Variants in TRMT11 observed in about 807,000 individuals in gnomAD.
The protein encoded by TRMT11 is tRNA (guanine(10)-N(2))-methyltransferase TRMT11.
TRMT11 carries 53 observed loss-of-function variants against 62.8 expected under a neutral mutation model. The ratio of observed to expected loss-of-function variants is 0.84; its 90% confidence interval spans 0.68 to 1.06. The LOEUF is 1.06. Among genes scored for constraint, TRMT11 ranks in the 50% least tolerant of loss-of-function variants. The pLI is 0.00. For missense variants in TRMT11, 556 were observed against 553.4 expected (o/e 1.00, Z -0.05); for synonymous variants, 188 against 190.3 (o/e 0.99, Z 0.10).
the TRMT11 span, among the ~76,000 whole-genome samples, chr6:126,250,839 G>C: frequency 6.6e-6 from 1 of 152,044 alleles, no homozygotes; most frequent in East Asian, 1.9e-4. Context: ...GTCATATTAA[G>C]CTTTGGTCGT....
intron 21 of TRMT11, among the ~76,000 whole-genome samples, chr6:126,138,508 G>A (rs1189172799): frequency 6.6e-6 from 1 of 151,914 alleles, no homozygotes; most frequent in Non-Finnish European, 1.5e-5. Context: ...TTAATCATTT[G>A]AAGCACACAC....
intron 3 of TRMT11, among the ~76,000 whole-genome samples, chr6:125,996,897 T>C (rs976247383): frequency 6.6e-6 from 1 of 152,196 alleles, no homozygotes; most frequent in African/African-American, 2.4e-5. Context: ...CTTCATCCTA[T>C]TGAGAACTAC....
intron 21 of TRMT11, among the ~76,000 whole-genome samples, chr6:126,127,163 G>A (rs1777728101): frequency 6.6e-6 from 1 of 152,140 alleles, no homozygotes; most frequent in African/African-American, 2.4e-5. Context: ...AGGAGGGAGG[G>A]AGATGCAGAT....
chr6:126,239,038 C>T, the TRMT11 span, among the ~76,000 whole-genome samples: 1 of 152,250 alleles, frequency 6.6e-6, no homozygotes, highest in East Asian at 1.9e-4. Context: ...GCACCCCCTT[C>T]CTTTTTTTTG....
intron 1 of TRMT11, among the ~76,000 whole-genome samples, chr6:125,992,997 G>A (rs571033679): frequency 1.3e-5 from 2 of 152,228 alleles, no homozygotes; most frequent in African/African-American, 2.4e-5. Flanking sequence ...TTTTGATGGC[G>A]GTGGGCTTGG....
intron 21 of TRMT11, among the ~76,000 whole-genome samples, chr6:126,166,983 C>T (rs569394782): frequency 6.6e-6 from 1 of 152,286 alleles, no homozygotes; most frequent in South Asian, 2.1e-4. Context: ...TCAAGTGTCC[C>T]AGGTTGACTT....
chr6:126,068,409 T>C (rs1335983702), intron 17 of TRMT11, among the ~76,000 whole-genome samples: 1 of 152,188 alleles, frequency 6.6e-6, no homozygotes, highest in African/African-American at 2.4e-5. Context: ...AGGAAGTTTG[T>C]TGTTTTGCCT....
chr6:126,180,733 G>A (rs899859360), intron 1 of TRMT11, among the ~76,000 whole-genome samples: 1 of 152,162 alleles, frequency 6.6e-6, no homozygotes, highest in Non-Finnish European at 1.5e-5. Context: ...AGGTGCTGAT[G>A]CCTTAGTCAC....
intron 8 of TRMT11, among the ~76,000 whole-genome samples, chr6:126,009,073 C>G (rs190863198): frequency 2.2e-4 from 33 of 151,716 alleles, no homozygotes; most frequent in African/African-American, 5.8e-4. Context: ...CCAGTTCAGA[C>G]CTATAATTTA....
chr6:126,035,036 G>C (rs1774916416), intron 12 of TRMT11, among the ~76,000 whole-genome samples: 3 of 152,072 alleles, frequency 2.0e-5, no homozygotes, highest in Admixed American at 1.3e-4. Context: ...AAGAGAGGTA[G>C]AGAGAAAAGA....
intron 21 of TRMT11, among the ~76,000 whole-genome samples, chr6:126,129,834 A>T (rs1777760651): frequency 6.6e-6 from 1 of 152,048 alleles, no homozygotes; most frequent in African/African-American, 2.4e-5. Context: ...ATAATTTTCT[A>T]TCTGTATCCC....
chr6:126,257,201 G>A, the TRMT11 span, among the ~76,000 whole-genome samples: 4 of 151,790 alleles, frequency 2.6e-5, no homozygotes, highest in African/African-American at 4.8e-5. Context: ...TGTGTTTTAA[G>A]CGAGTAGTTT....
At chr6:125,996,488 A>G (rs980352601) in intron 3 of TRMT11, among the ~76,000 whole-genome samples, 1 of 152,224 alleles carries the variant, frequency 6.6e-6, no homozygotes, top group Non-Finnish European at 1.5e-5. Context: ...GAAAATAATT[A>G]TGAGTACCAA....
intron 16 of TRMT11, among the ~76,000 whole-genome samples, chr6:126,044,528 C>T (rs1168948002): frequency 6.6e-6 from 1 of 152,172 alleles, no homozygotes; most frequent in African/African-American, 2.4e-5. Flanking sequence ...AGAAGCAATT[C>T]TCCATAGATC....
At chr6:126,096,071 C>T (rs1777336483) in intron 17 of TRMT11, among the ~76,000 whole-genome samples, 2 of 152,154 alleles carry the variant, frequency 1.3e-5, no homozygotes, top group African/African-American at 4.8e-5. Flanking sequence ...AAATGAAGAG[C>T]TAATTTCATT....
intron 17 of TRMT11, among the ~76,000 whole-genome samples, chr6:126,096,838 A>T (rs1777346779): frequency 6.6e-6 from 1 of 152,208 alleles, no homozygotes; most frequent in Non-Finnish European, 1.5e-5. Context: ...ATTAATATGA[A>T]ATTGATTTAA....
intron 12 of TRMT11, among the ~76,000 whole-genome samples, chr6:126,038,451 A>AG (rs1775594392): frequency 7.4e-6 from 1 of 134,814 alleles, no homozygotes; most frequent in Non-Finnish European, 1.8e-5. Flanking sequence ...AAAAAAAAAA[A>AG]AAGAAAAAAA....
the TRMT11 span, among the ~76,000 whole-genome samples, chr6:126,221,293 G>C: frequency 1.3e-5 from 2 of 152,136 alleles, no homozygotes; most frequent in African/African-American, 4.8e-5. Flanking sequence ...GGGATTGCTG[G>C]GTTGAATGGT....
At chr6:126,192,042 T>G (rs76388899) in intron 1 of TRMT11, among the ~76,000 whole-genome samples, 4,528 of 152,232 alleles carry the variant, frequency 0.03, 229 homozygotes, top group African/African-American at 0.1. Flanking sequence ...TTGAGAAGTA[T>G]AGACATTTTA....
Sources: gnomAD v4.1 joint callset for allele counts (sites outside exome capture counted in the v4.1 genomes callset) on GRCh38, gnomAD v4.1.1 for gene constraint, MANE v1.5 for transcripts, NCBI Gene and HGNC (gene_info 2026-07-23, HGNC 2026-07-21) for gene names.